OPCML: variants seen among roughly 807,000 people sequenced by gnomAD.
The protein encoded by OPCML is opioid binding protein/cell adhesion molecule like.
In OPCML, 13 loss-of-function variants were observed where a neutral mutation model predicts 37.8. The observed-to-expected ratio is 0.34, with a 90% CI of 0.22 to 0.55. The LOEUF is 0.55. OPCML is among the 20% of genes least tolerant of loss of function. The pLI is 0.91. For synonymous variants in OPCML, 176 were observed against 168.8 expected, an observed-to-expected ratio of 1.04 and a Z score of -0.33; for missense variants, 341 against 435.6, an observed-to-expected ratio of 0.78 and a Z score of 1.93.
chr11:133,127,622 G>T (rs1221270884), intron 1 of OPCML, among the ~76,000 whole-genome samples: 1 of 149,844 alleles, frequency 6.7e-6, no homozygotes, highest in South Asian at 2.1e-4. Flanking sequence ...GACAGAGAGA[G>T]GCTCTGTCTC....
intron 2 of OPCML, among the ~76,000 whole-genome samples, chr11:132,759,993 T>C (rs1418455249): frequency 6.6e-6 from 1 of 152,226 alleles, no homozygotes; most frequent in Non-Finnish European, 1.5e-5. Context: ...TTCTGGTATC[T>C]TGTGTCTTTG....
intron 2 of OPCML, among the ~76,000 whole-genome samples, chr11:132,801,132 T>C (rs918020746): frequency 1.3e-5 from 2 of 152,232 alleles, no homozygotes; most frequent in African/African-American, 4.8e-5. Context: ...AGTGTGCATC[T>C]TTCTGGGAAT....
intron 1 of OPCML, among the ~76,000 whole-genome samples, chr11:133,326,526 A>G (rs1224946010): frequency 3.3e-5 from 3 of 90,314 alleles, no homozygotes; most frequent in Non-Finnish European, 6.5e-5. Context: ...GGGTATGTGT[A>G]AGTGTGTGGG....
intron 1 of OPCML, among the ~76,000 whole-genome samples, chr11:133,150,743 G>A (rs1949968909): frequency 6.6e-6 from 1 of 151,996 alleles, no homozygotes; most frequent in African/African-American, 2.4e-5. Context: ...AAAGAAACCT[G>A]CAGGAATCTC....
chr11:133,265,583 A>G (rs1337242585), intron 1 of OPCML, among the ~76,000 whole-genome samples: 1 of 152,258 alleles, frequency 6.6e-6, no homozygotes, highest in Non-Finnish European at 1.5e-5. Flanking sequence ...CCTGAAAGCA[A>G]GACAAAGTGG....
chr11:133,077,775 A>G (rs1948646769), intron 1 of OPCML, among the ~76,000 whole-genome samples: 1 of 152,226 alleles, frequency 6.6e-6, no homozygotes, highest in East Asian at 1.9e-4. Context: ...ATTGGAATAT[A>G]GGCAAAAGAT....
intron 3 of OPCML, among the ~76,000 whole-genome samples, chr11:132,567,397 T>C (rs570509964): frequency 3.9e-5 from 6 of 152,308 alleles, no homozygotes; most frequent in Admixed American, 3.9e-4. Context: ...ATAAACATGG[T>C]TCTCCTATTG....
At chr11:132,913,248 T>C (rs977600222) in intron 2 of OPCML, among the ~76,000 whole-genome samples, 6 of 152,188 alleles carry the variant, frequency 3.9e-5, no homozygotes, top group Admixed American at 3.9e-4. Flanking sequence ...AGAGAAATTA[T>C]TCAGGAAATC....
chr11:132,548,476 C>T (rs1014645184), intron 3 of OPCML, among the ~76,000 whole-genome samples: 3 of 152,180 alleles, frequency 2.0e-5, no homozygotes, highest in Admixed American at 6.5e-5. Flanking sequence ...AGCTCACTTT[C>T]GTTCATCTGC....
chr11:133,231,780 A>G lies in OPCML; in HGVS notation c.62-288770T>C, dbSNP rs904866773. Among the ~76,000 whole-genome samples, 8 of 152,210 alleles carry G rather than the reference A, an allele frequency of 5.3e-5. No homozygotes were observed. In the East Asian group the frequency reaches 1.3e-3, roughly 26 times the overall value. Reference sequence around the variant, plus strand: ...CATTACACATGGATTAAATGAGACCACACATGTAAAGAACATGCAACCAGT... The same window carrying G: ...CATTACACATGGATTAAATGAGACCGCACATGTAAAGAACATGCAACCAGT... On this transcript the variant is annotated intron_variant, in intron 1 of 7. Coordinates refer to ENST00000524381, the MANE Select transcript of OPCML (RefSeq NM_001012393.5).
chr11:133,326,213 T>C (rs1183531154), intron 1 of OPCML, among the ~76,000 whole-genome samples: 3 of 150,990 alleles, frequency 2.0e-5, no homozygotes. Context: ...CTCCTTTGTG[T>C]GGGAAACAAG....
intron 4 of OPCML, among the ~76,000 whole-genome samples, chr11:132,517,844 T>C (rs2096283480): frequency 6.6e-6 from 1 of 152,188 alleles, no homozygotes; most frequent in South Asian, 2.1e-4. Flanking sequence ...CCTCCATTCC[T>C]CCATATGTAA....
chr11:132,958,677 T>C (rs908354613), intron 1 of OPCML, among the ~76,000 whole-genome samples: 1 of 152,236 alleles, frequency 6.6e-6, no homozygotes, highest in Non-Finnish European at 1.5e-5. Context: ...CTGAAAATCC[T>C]AGGGCCCTTA....
At chr11:132,741,343 A>G (rs890064225) in intron 2 of OPCML, among the ~76,000 whole-genome samples, 1 of 152,210 alleles carries the variant, frequency 6.6e-6, no homozygotes, top group African/African-American at 2.4e-5. Flanking sequence ...ATCTTTTCTT[A>G]GCACACCTAG....
At chr11:132,683,491 G>C (rs980917167) in intron 2 of OPCML, among the ~76,000 whole-genome samples, 4 of 152,204 alleles carry the variant, frequency 2.6e-5, no homozygotes, top group African/African-American at 7.2e-5. Flanking sequence ...CTAATATCAA[G>C]ACCAAATCCT....
chr11:132,436,650 A>T lies in OPCML; in HGVS notation c.764+9T>A. The T allele has an allele frequency of 6.2e-7, 1 of 1,614,014 alleles. No homozygotes were observed. The highest frequency in any genetic ancestry group is 1.1e-5 in the South Asian group (1 of 91,076). ...CTTCAGAACTGTCCAGGTGTCATTT[A>T]AAAGGTACCTGGTTTCTTCCTTGAA... On this transcript the variant is annotated intron_variant, in intron 6 of 7. Coordinates refer to ENST00000524381, the MANE Select transcript of OPCML (RefSeq NM_001012393.5).
chr11:132,654,876 C>A (rs1941628314), intron 3 of OPCML, among the ~76,000 whole-genome samples: 1 of 150,728 alleles, frequency 6.6e-6, no homozygotes, highest in Admixed American at 6.6e-5. Context: ...ACTTCCCAGG[C>A]CACCTCAGAG....
intron 1 of OPCML, among the ~76,000 whole-genome samples, chr11:133,514,506 A>C (rs2120648460): frequency 6.6e-6 from 1 of 152,306 alleles, no homozygotes; most frequent in South Asian, 2.1e-4. Flanking sequence ...CATTGCAGGG[A>C]GATACAGGGT....
intron 1 of OPCML, chr11:133,117,778 G>C (rs1373971555): frequency 2.0e-6 from 2 of 980,816 alleles, no homozygotes; most frequent in South Asian, 4.7e-5. Context: ...TACTAAGCAA[G>C]AGAAAGTGCT....
Sources: allele counts gnomAD v4.1 joint callset (sites outside exome capture counted in the v4.1 genomes callset), GRCh38; gene constraint gnomAD v4.1.1; transcripts MANE v1.5; gene names NCBI Gene and HGNC (gene_info 2026-07-23, HGNC 2026-07-21).